Variants in ARL10 observed in about 807,000 individuals in gnomAD.
ARL10 encodes ADP-ribosylation factor-like protein 10.
Under a neutral mutation model 26.1 loss-of-function variants are expected in ARL10, and 23 were observed. The ratio of observed to expected loss-of-function variants is 0.88; its 90% CI spans 0.63 to 1.25. ARL10 has a LOEUF of 1.25. Ranked by LOEUF, ARL10 falls within the 50% of genes most tolerant of loss-of-function variation. ARL10 has a pLI of 0.00. For missense variants in ARL10, 300 were observed against 323.6 expected, an observed-to-expected ratio of 0.93 and a Z score of 0.56; for synonymous variants, 138 against 149.1, an observed-to-expected ratio of 0.93 and a Z score of 0.54.
Position 176,379,687 on chromosome 5 carries a change from C to T in ARL10, c.*7792C>T, listed in dbSNP as rs187910895. ...CTAAATGAGCTCTATAATCTGAAAC[C>T]GGTTCATCTTTCTTTTGCCCACAAG... is the stretch of plus-strand genomic sequence containing the variant. On this transcript the variant is annotated 3_prime_UTR_variant, in exon 4 of 4. Coordinates refer to ENST00000310389, the MANE Select transcript of ARL10 (RefSeq NM_173664.6). The T allele has an allele frequency of 7.9e-5, 12 of 152,236 alleles. No individual in the cohort carries two copies. The highest frequency in any genetic ancestry group is 4.6e-4 in the Admixed American group (7 of 15,296). 9.4% of individuals were successfully genotyped at this position (152,236 alleles called of 1,614,324 possible).
At chr5:176,385,684 T>TC (rs1276522934), downstream of ARL10, among the ~76,000 whole-genome samples, 2 of 152,196 alleles carry the variant, frequency 1.3e-5, no homozygotes, top group East Asian at 3.9e-4. Flanking sequence ...AGGACAGGGC[T>TC]CCCTTCCAGC....
chr5:176,366,506 G>C lies in ARL10; in HGVS notation c.310G>C (p.Glu104Gln). The change falls in exon 2 of 4, where the codon GAA becomes CAA. Residue 104 changes from glutamate (E) to glutamine (Q), a missense_variant. Coordinates refer to ENST00000310389, the MANE Select transcript of ARL10 (RefSeq NM_173664.6). The part of the protein sequence containing the change: ...LRVLSGKPPL[E>Q]GHIPTWGFNS... ...CGTGTTGTCGGGGAAGCCACCGCTGGAAGGCCACATCCCCACCTGGGGCTT... is the reference window on the plus strand; with the variant it reads ...CGTGTTGTCGGGGAAGCCACCGCTGCAAGGCCACATCCCCACCTGGGGCTT... 1 of 1,614,134 alleles carries C rather than the reference G, an allele frequency of 6.2e-7. No individual in the cohort carries two copies. Among genetic ancestry groups the C allele is most frequent in the South Asian group, 1.1e-5 (1 of 91,088 alleles).
intron 2 of ARL10, among the ~76,000 whole-genome samples, chr5:176,367,287 G>T (rs1365048204): frequency 6.6e-6 from 1 of 151,902 alleles, no homozygotes; most frequent in Non-Finnish European, 1.5e-5. Flanking sequence ...GGGATTACAG[G>T]CGTAAGCCAT....
chr5:176,384,971 A>G (rs1239211439), downstream of ARL10: 2 of 581,120 alleles, frequency 3.4e-6, no homozygotes, highest in African/African-American at 3.7e-5. Context: ...GAAAACAAAA[A>G]CAAACCAAAA....
At chr5:176,388,849 G>C (rs1756124618), downstream of ARL10, 3 of 1,614,142 alleles carry the variant, frequency 1.9e-6, no homozygotes, top group Middle Eastern at 1.7e-4. Context: ...TGATTCCGGA[G>C]GTCCCCTTTG....
intron 1 of ARL10, chr5:176,397,722 G>A: frequency 6.2e-7 from 1 of 1,610,868 alleles, no homozygotes; most frequent in South Asian, 1.1e-5. Context: ...GCAGCATCTA[G>A]GACCCCACAA....
In ARL10 at chr5:176,375,909, TCCTGAATATGTGGTG is replaced by T. The variant is rs1768684915; in HGVS notation, c.*4021_*4035del. Reference sequence around the variant, plus strand: ...TGGAGCCACATAGGTAGTTCCCAGGTCCTGAATATGTGGTGCCTGAAAGCATAGGTGTAGGCAGTG... The same window carrying T: ...TGGAGCCACATAGGTAGTTCCCAGGTCCTGAAAGCATAGGTGTAGGCAGTG... On this transcript the variant is annotated 3_prime_UTR_variant, in exon 4 of 4. Coordinates refer to ENST00000310389, the MANE Select transcript of ARL10 (RefSeq NM_173664.6). 1.3e-5 allele frequency: 2 copies of T among 152,202 alleles called. No individual in the cohort carries two copies. Among genetic ancestry groups the T allele is most frequent in the South Asian group, 4.1e-4 (2 of 4,830 alleles). 9.4% of individuals were successfully genotyped at this position (152,202 alleles called of 1,614,324 possible).
intron 1 of ARL10, among the ~76,000 whole-genome samples, chr5:176,399,256 G>T (rs1357553901): frequency 6.6e-6 from 1 of 152,180 alleles, no homozygotes; most frequent in African/African-American, 2.4e-5. Flanking sequence ...CCCAGCAGAT[G>T]CTCAGTAGAT....
intron 1 of ARL10, among the ~76,000 whole-genome samples, chr5:176,394,190 G>C (rs1344582205): frequency 6.6e-6 from 1 of 152,232 alleles, no homozygotes; most frequent in Non-Finnish European, 1.5e-5. Flanking sequence ...GATGAGGGGA[G>C]CTATCCTCGG....
chr5:176,388,903 T>A, downstream of ARL10: 1 of 1,614,080 alleles, frequency 6.2e-7, no homozygotes, highest in Non-Finnish European at 8.5e-7. Flanking sequence ...GCCCCACTGT[T>A]TACAGGAATC....
chr5:176,384,176 C>T, downstream of ARL10: 1 of 1,614,096 alleles, frequency 6.2e-7, no homozygotes, highest in Non-Finnish European at 8.5e-7. Context: ...ACCCTGGCTC[C>T]AGCTTCACTG....
chr5:176,406,922 G>A, the ARL10 span, among the ~76,000 whole-genome samples: 1 of 152,192 alleles, frequency 6.6e-6, no homozygotes, highest in Non-Finnish European at 1.5e-5. Flanking sequence ...CACCGGGTCG[G>A]AGCCCAGGAG....
At chr5:176,385,067 G>A, downstream of ARL10, 1 of 657,752 alleles carries the variant, frequency 1.5e-6, no homozygotes, top group Admixed American at 2.3e-5. Flanking sequence ...ATTCATTCAA[G>A]TTAGATCCCT....
downstream of ARL10, among the ~76,000 whole-genome samples, chr5:176,382,324 C>T (rs568478048): frequency 1.6e-4 from 25 of 152,210 alleles, no homozygotes; most frequent in Non-Finnish European, 3.2e-4. Flanking sequence ...GTGTTCCCCC[C>T]ACTGCCTAAA....
downstream of ARL10, among the ~76,000 whole-genome samples, chr5:176,402,199 G>A (rs1322202097): frequency 6.6e-6 from 1 of 152,188 alleles, no homozygotes; most frequent in Non-Finnish European, 1.5e-5. Context: ...CTACTCAGGA[G>A]GCTGAGGCAG....
chr5:176,405,726 C>T (rs1303854652), downstream of ARL10: 4 of 152,082 alleles, frequency 2.6e-5, no homozygotes, highest in Non-Finnish European at 5.9e-5. Flanking sequence ...GCGCTGGACA[C>T]TCCATCAGAG....
chr5:176,402,683 T>C (rs1561795461), downstream of ARL10, among the ~76,000 whole-genome samples: 1 of 152,196 alleles, frequency 6.6e-6, no homozygotes, highest in Non-Finnish European at 1.5e-5. Flanking sequence ...AATGAATTCA[T>C]AGATGTTCAG....
At chr5:176,394,618 T>C (rs962780227) in intron 1 of ARL10, among the ~76,000 whole-genome samples, 3 of 151,202 alleles carry the variant, frequency 2.0e-5, no homozygotes, top group East Asian at 1.9e-4. Context: ...ATGGAGAGCA[T>C]CCTGGCTAAC....
downstream of ARL10, chr5:176,382,032 C>G (rs896655809): frequency 1.3e-5 from 2 of 152,358 alleles, no homozygotes; most frequent in East Asian, 3.9e-4. Context: ...GTCCTAGAGC[C>G]TGTGGGTTGG....
Sources: allele counts gnomAD v4.1 joint callset (sites outside exome capture counted in the v4.1 genomes callset), GRCh38; gene constraint gnomAD v4.1.1; transcripts MANE v1.5; gene names NCBI Gene and HGNC (gene_info 2026-07-23, HGNC 2026-07-21).